The following PTPRF variants were observed in gnomAD, a reference collection of about 807,000 sequenced individuals.
PTPRF encodes receptor-type tyrosine-protein phosphatase F.
Under a neutral mutation model 201.8 loss-of-function variants are expected in PTPRF, and 59 were observed. The ratio of observed to expected loss-of-function variants is 0.29; its 90% CI spans 0.24 to 0.36. The LOEUF (loss-of-function observed/expected upper bound fraction) is 0.36, where lower values mean the gene tolerates loss of function less well. PTPRF is among the 10% of genes least tolerant of loss of function. PTPRF has a pLI of 1.00. For synonymous variants in PTPRF, 1,088 were observed against 1,089.7 expected, an observed-to-expected ratio of 1.00 and a Z score of 0.03; for missense variants, 2,132 against 2,690.5, an observed-to-expected ratio of 0.79 and a Z score of 4.59.
chr1:43,605,099 GAA>G, intron 17 of PTPRF, 89 bp from the exon 18 acceptor site: 4 of 1,576,796 alleles, frequency 2.5e-6, no homozygotes, highest in Non-Finnish European at 3.5e-6. Flanking sequence ...TGTGGAGCAG[GAA>G]TGTGGTTGTG....
intron 7 of PTPRF, among the ~76,000 whole-genome samples, chr1:43,583,797 A>T (rs896770462): frequency 1.3e-5 from 2 of 152,076 alleles, no homozygotes; most frequent in African/African-American, 4.8e-5. Context: ...GCCAGATCCA[A>T]ATTAAGATCC....
At chr1:43,555,534 C>T (rs1183644891) in intron 5 of PTPRF, among the ~76,000 whole-genome samples, 2 of 151,254 alleles carry the variant, frequency 1.3e-5, no homozygotes, top group African/African-American at 2.4e-5. Context: ...CAGCCTCTGC[C>T]TCCTGGGTTC....
intron 21 of PTPRF, among the ~76,000 whole-genome samples, chr1:43,609,078 C>T (rs1465660385): frequency 6.6e-6 from 1 of 152,210 alleles, no homozygotes; most frequent in South Asian, 2.1e-4. Context: ...ATAGCAGTCA[C>T]TGTCCTGCAG....
chr1:43,614,308 C>T (rs1406714113), intron 23 of PTPRF, among the ~76,000 whole-genome samples: 4 of 152,218 alleles, frequency 2.6e-5, no homozygotes, highest in African/African-American at 9.7e-5. Flanking sequence ...CATGTGCTCA[C>T]GTGTGTACTC....
intron 5 of PTPRF, among the ~76,000 whole-genome samples, chr1:43,569,202 G>A (rs1415406544): frequency 6.6e-6 from 1 of 151,532 alleles, no homozygotes; most frequent in Non-Finnish European, 1.5e-5. Context: ...GTTGGATGCT[G>A]CGCGAGCTCC....
At chr1:43,560,857 A>G (rs13374726) in intron 5 of PTPRF, among the ~76,000 whole-genome samples, 2,939 of 152,246 alleles carry the variant, frequency 0.019, 100 homozygotes, top group African/African-American at 0.067. Context: ...CCAAGCCCAC[A>G]GTCCCTTCTG....
At chr1:43,525,558 G>A (rs752593485), upstream of PTPRF, among the ~76,000 whole-genome samples, 2 of 151,876 alleles carry the variant, frequency 1.3e-5, no homozygotes, top group Admixed American at 1.3e-4. Context: ...ATCCCAGCAT[G>A]TTGGGAGGCC....
At chr1:43,567,789 C>A (rs1267476314) in intron 5 of PTPRF, among the ~76,000 whole-genome samples, 1 of 152,228 alleles carries the variant, frequency 6.6e-6, no homozygotes, top group Admixed American at 6.5e-5. Context: ...TTTACTCTGG[C>A]ATAGAAGCCT....
chr1:43,609,834 G>A (rs519669), intron 22 of PTPRF, among the ~76,000 whole-genome samples: 2 of 152,152 alleles, frequency 1.3e-5, no homozygotes, highest in Non-Finnish European at 2.9e-5. Context: ...AGTGTCTGGC[G>A]CACGCTCTGA....
intron 5 of PTPRF, among the ~76,000 whole-genome samples, chr1:43,557,721 T>C (rs1645488602): frequency 6.7e-6 from 1 of 150,016 alleles, no homozygotes; most frequent in Non-Finnish European, 1.5e-5. Flanking sequence ...GCTTCTGGGG[T>C]GTGAGAAGTG....
chr1:43,570,782 C>T (rs1007681008), intron 6 of PTPRF, among the ~76,000 whole-genome samples: 24 of 152,380 alleles, frequency 1.6e-4, no homozygotes, highest in African/African-American at 5.3e-4. Flanking sequence ...CCTGAGACAG[C>T]CCACGAAGTG....
At chr1:43,573,516 C>T (rs147008783) in intron 6 of PTPRF, among the ~76,000 whole-genome samples, 1 of 152,344 alleles carries the variant, frequency 6.6e-6, no homozygotes, top group African/African-American at 2.4e-5. Context: ...AGAGGGCTTG[C>T]AGCCCCTCAC....
chr1:43,615,230 A>G (rs997905338), intron 23 of PTPRF, among the ~76,000 whole-genome samples: 11 of 152,314 alleles, frequency 7.2e-5, no homozygotes, highest in African/African-American at 2.6e-4. Context: ...GCCTCTGCCT[A>G]TAGGGCCCCC....
rs866904225 is a variant in PTPRF at position 43,542,616 on chromosome 1, T to C, written c.-45-2415T>C. Among the ~76,000 whole-genome samples, 3 of 152,174 alleles carry C rather than the reference T, an allele frequency of 2.0e-5. No homozygotes were observed. The highest frequency in any genetic ancestry group is 3.4e-3 in the Middle Eastern group (1 of 294). ...CCCCCATGATGGCTCTCCTGGGAGC[T>C]CTGCCCCCACCATGAAGTCTGTAAC... On this transcript the variant is annotated intron_variant, in intron 2 of 33. Transcript: ENST00000359947. The surrounding 1 kb of genome is among the most constrained non-coding windows in gnomAD (Gnocchi z 5.2).
chr1:43,616,968 G>A (rs1012615524), intron 23 of PTPRF, among the ~76,000 whole-genome samples: 1 of 152,146 alleles, frequency 6.6e-6, no homozygotes, highest in African/African-American at 2.4e-5. Context: ...CAGCTGAAAG[G>A]AAGAGAGCCG....
At chr1:43,563,461 C>G (rs1321352289) in intron 5 of PTPRF, among the ~76,000 whole-genome samples, 4 of 152,126 alleles carry the variant, frequency 2.6e-5, no homozygotes, top group Non-Finnish European at 5.9e-5. Flanking sequence ...TGGAATCTTA[C>G]AGGCTGAGAA....
Position 43,617,537 on chromosome 1 carries a change from C to T in PTPRF, c.4164C>T (p.Asp1388=), listed in dbSNP as rs774940885. ...GCTATGCGAATGTCATCGCCTACGA[C>T]CACTCTCGAGTCATCCTTACCTCTA... is the stretch of plus-strand genomic sequence containing the variant. ...KNRYANVIAY[D]HSRVILTSID... Residue 1388 remains aspartate (D), a synonymous_variant, in exon 24 of 34, where the codon GAC becomes GAT. Transcript: ENST00000359947. 19 of 1,614,104 alleles carry T rather than the reference C, an allele frequency of 1.2e-5. No homozygotes were observed. Among genetic ancestry groups the T allele is most frequent in the Non-Finnish European group, 1.6e-5 (19 of 1,180,024 alleles).
intron 7 of PTPRF, chr1:43,579,377 G>A (rs1000684328): frequency 2.7e-6 from 1 of 372,788 alleles, no homozygotes; most frequent in South Asian, 2.0e-5. Flanking sequence ...TCTGGGCTTT[G>A]GGGTAGTAAG....
chr1:43,538,043 G>T (rs1010417603), intron 1 of PTPRF, among the ~76,000 whole-genome samples, 155 bp from the exon 2 acceptor site: 4 of 152,096 alleles, frequency 2.6e-5, no homozygotes, highest in African/African-American at 9.7e-5. Context: ...GAAAAGATGG[G>T]CATTTTTACC....
Sources: gnomAD v4.1 joint callset for allele counts (sites outside exome capture counted in the v4.1 genomes callset) on GRCh38, gnomAD v4.1.1 for gene constraint, Gnocchi (gnomAD v3.1) non-coding constraint, MANE v1.5 for transcripts, NCBI Gene and HGNC (gene_info 2026-07-23, HGNC 2026-07-21) for gene names.